Variants in PCDHGA6 observed in about 807,000 individuals in gnomAD.
PCDHGA6 encodes protocadherin gamma subfamily A, 6, also known as protocadherin gamma-A6.
PCDHGA6 carries 41 observed loss-of-function variants against 60.6 expected under a neutral mutation model. The ratio of observed to expected loss-of-function variants is 0.68; its 90% CI spans 0.53 to 0.88. PCDHGA6 has a LOEUF of 0.88. PCDHGA6 is among the 40% of genes least tolerant of loss of function. PCDHGA6 has a pLI of 0.00. For missense variants in PCDHGA6, 1,312 were observed against 1,203.0 expected (o/e 1.09, Z -1.34); for synonymous variants, 594 against 524.4 (o/e 1.13, Z -1.81).
At chr5:141,430,818 T>G (rs1240970813) in intron 1 of PCDHGA6, 2 of 1,540,582 alleles carry the variant, frequency 1.3e-6, no homozygotes, top group Non-Finnish European at 1.7e-6. Flanking sequence ...GGAATCCTCC[T>G]GGGGACTCTG....
chr5:141,395,886 C>A (rs538799478), intron 1 of PCDHGA6: 1 of 152,168 alleles, frequency 6.6e-6, no homozygotes, highest in East Asian at 1.9e-4. Context: ...TCAGTGGTCA[C>A]CTGGGCTCCA....
chr5:141,384,922 C>A (rs760972840), intron 1 of PCDHGA6: 1 of 1,614,018 alleles, frequency 6.2e-7, no homozygotes, highest in African/African-American at 1.3e-5. Context: ...CTTGGCCGAC[C>A]TGGGCAGCCT....
At chr5:141,480,698 C>T (rs1394538159) in intron 1 of PCDHGA6, among the ~76,000 whole-genome samples, 1 of 152,198 alleles carries the variant, frequency 6.6e-6, no homozygotes, top group Admixed American at 6.5e-5. Context: ...ACCCAGGCCA[C>T]ACCCCGACAA....
intron 1 of PCDHGA6, chr5:141,379,314 G>T (rs557036464): frequency 6.6e-6 from 1 of 152,242 alleles, no homozygotes; most frequent in South Asian, 2.1e-4. Context: ...CTAAACAAGA[G>T]ATCTAATCAT....
At chr5:141,410,029 G>T (rs2095350230) in intron 1 of PCDHGA6, 15 of 1,613,274 alleles carry the variant, frequency 9.3e-6, no homozygotes, top group Non-Finnish European at 1.3e-5. Context: ...ACCACGTGCT[G>T]CAGGCCAGTG....
chr5:141,392,741 C>T, intron 1 of PCDHGA6: 1 of 1,435,876 alleles, frequency 7.0e-7, no homozygotes. Context: ...ATCTCCATAG[C>T]TGCGGCAAGA....
chr5:141,489,206 C>A lies in PCDHGA6; in HGVS notation c.2425-5601C>A. On this transcript the variant is annotated intron_variant, in intron 1 of 3. Transcript: ENST00000517434. This position sits in a 1 kb window ranked among gnomAD's most constrained non-coding sequence, Gnocchi z 4.5. ...TGGGTCTACCTTGGAGACAGGACAG[C>A]ACAGACTTACTCTCCACAAAGGGAC... 2 of 1,439,024 alleles carry A rather than the reference C, an allele frequency of 1.4e-6. No individual in the cohort carries two copies. Among genetic ancestry groups the A allele is most frequent in the Non-Finnish European group, 1.9e-6 (2 of 1,060,928 alleles). 89.1% of individuals were successfully genotyped at this position (1,439,024 alleles called of 1,614,324 possible). A position where few individuals can be genotyped will look rare whatever the true frequency, so the allele number is the denominator to read the frequency against.
chr5:141,497,125 G>A (rs968031174), intron 2 of PCDHGA6, among the ~76,000 whole-genome samples: 1 of 152,094 alleles, frequency 6.6e-6, no homozygotes, highest in South Asian at 2.1e-4. Context: ...GGCAGAGGTT[G>A]CAGTGAGCTG....
At chr5:141,398,910 G>A (rs1465229535) in intron 1 of PCDHGA6, 1 of 1,613,972 alleles carries the variant, frequency 6.2e-7, no homozygotes, top group South Asian at 1.1e-5. Flanking sequence ...GCACCACTGT[G>A]TTGCAAGTGT....
intron 1 of PCDHGA6, among the ~76,000 whole-genome samples, chr5:141,380,213 T>C (rs1284651338): frequency 1.3e-5 from 2 of 152,186 alleles, no homozygotes; most frequent in Admixed American, 6.5e-5. Context: ...AAGGCATTCA[T>C]TTCTGATCAG....
At chr5:141,505,344 AGCT>A in intron 2 of PCDHGA6, 46 bp from the exon 3 acceptor site, 1 of 1,613,046 alleles carries the variant, frequency 6.2e-7, no homozygotes, top group South Asian at 1.1e-5. Flanking sequence ...GAGGGGCATG[AGCT>A]GTGCCGGCCT....
chr5:141,376,137 A>G lies in PCDHGA6; in HGVS notation c.2054A>G (p.Asn685Ser), dbSNP rs1342753731. The G allele has an allele frequency of 3.7e-6, 6 of 1,613,156 alleles. No homozygotes were observed. The highest frequency in any genetic ancestry group is 1.1e-5 in the South Asian group (1 of 91,022). ...AGCCTCGAGCCCTCCGCCAAACCCA[A>G]CGATTCGGACCTCACTCTGTACCTG... is the stretch of plus-strand genomic sequence containing the variant. ...LGSLEPSAKP[N>S]DSDLTLYLVV... The change falls in exon 1 of 4, where the codon AAC becomes AGC. Residue 685 changes from asparagine (N) to serine (S), a missense_variant. Coordinates refer to ENST00000517434, the MANE Select transcript of PCDHGA6 (RefSeq NM_018919.3).
rs771341809 is a variant in PCDHGA6 at position 141,404,607 on chromosome 5, T to C, written c.2424+28100T>C. 5 of 1,613,938 alleles carry C rather than the reference T, an allele frequency of 3.1e-6. No homozygotes were observed. The African/African-American group carries it at 6.7e-5, about 22-fold the overall frequency. ...AGCAATGTGTCATTGAGACTGTTTG[T>C]TTTGGACCAGAATGACAATGCCCCA... On this transcript the variant is annotated intron_variant, in intron 1 of 3. Coordinates refer to ENST00000517434, the MANE Select transcript of PCDHGA6 (RefSeq NM_018919.3).
intron 1 of PCDHGA6, chr5:141,413,400 G>C: frequency 6.2e-7 from 1 of 1,614,060 alleles, no homozygotes; most frequent in Non-Finnish European, 8.5e-7. Context: ...CCAGAGGTAG[G>C]ACGCAGCTTT....
rs199625514 is a variant in PCDHGA6 at position 141,485,144 on chromosome 5, G to C, written c.2425-9663G>C. The C allele has an allele frequency of 6.4e-7, 1 of 1,564,190 alleles. No homozygotes were observed. Among genetic ancestry groups the C allele is most frequent in the African/African-American group, 1.4e-5 (1 of 74,034 alleles). ...CGGGTCGGCTTCATCCGCGTCTCAG[G>C]AGCAAGTAGAGAATTAGCGGGCGGC... On this transcript the variant is annotated intron_variant, in intron 1 of 3. Coordinates refer to ENST00000517434, the MANE Select transcript of PCDHGA6 (RefSeq NM_018919.3). The surrounding 1 kb of genome is among the most constrained non-coding windows in gnomAD (Gnocchi z 5.7).
chr5:141,422,331 T>C (rs768333038), intron 1 of PCDHGA6: 1 of 1,548,508 alleles, frequency 6.5e-7, no homozygotes, highest in South Asian at 1.3e-5. Context: ...CAGTGATTGC[T>C]CTTCTAAATG....
chr5:141,388,698 G>T (rs752631718), intron 1 of PCDHGA6: 2 of 1,613,886 alleles, frequency 1.2e-6, no homozygotes, highest in Admixed American at 1.7e-5. Context: ...CCAGGATGAG[G>T]GTGTCAATGC....
chr5:141,490,837 G>A lies in PCDHGA6; in HGVS notation c.2425-3970G>A. On this transcript the variant is annotated intron_variant, in intron 1 of 3. Coordinates refer to ENST00000517434, the MANE Select transcript of PCDHGA6 (RefSeq NM_018919.3). This position sits in a 1 kb window ranked among gnomAD's most constrained non-coding sequence, Gnocchi z 5.4. ...TGAATTGCTGCAGATGCTGCAGATTGTGGTGGGGGTTCGAGACTCCGGCTC... is the reference window on the plus strand; with the variant it reads ...TGAATTGCTGCAGATGCTGCAGATTATGGTGGGGGTTCGAGACTCCGGCTC... The A allele has an allele frequency of 1.9e-6, 3 of 1,613,914 alleles. No homozygotes were observed. The highest frequency in any genetic ancestry group is 2.2e-5 in the South Asian group (2 of 91,072).
chr5:141,376,623 G>A (rs559036357), intron 1 of PCDHGA6, 116 bp downstream of exon 1: 243 of 1,327,112 alleles, frequency 1.8e-4, no homozygotes, highest in Middle Eastern at 7.8e-4. Context: ...TTTGGTACAG[G>A]AAGATTCGTG....
Sources: allele counts gnomAD v4.1 joint callset (sites outside exome capture counted in the v4.1 genomes callset), GRCh38; gene constraint gnomAD v4.1.1; non-coding constraint Gnocchi (gnomAD v3.1); transcripts MANE v1.5; gene names NCBI Gene and HGNC (gene_info 2026-07-23, HGNC 2026-07-21).